Variants in PCDHA2 observed in about 807,000 individuals in gnomAD.
PCDHA2 encodes protocadherin alpha 2.
Under a neutral mutation model 66.0 loss-of-function variants are expected in PCDHA2, and 58 were observed. That is an observed-to-expected ratio of 0.88 (90% CI 0.71 to 1.09). The LOEUF is 1.09. PCDHA2 is among the 50% of genes least tolerant of loss of function. The pLI, the probability that PCDHA2 is intolerant of heterozygous loss-of-function variation, is 0.00. For missense variants in PCDHA2, 1,267 were observed against 1,242.3 expected, an observed-to-expected ratio of 1.02 and a Z score of -0.30; for synonymous variants, 634 against 554.0, an observed-to-expected ratio of 1.14 and a Z score of -2.03.
At chr5:140,999,795 T>C (rs1222111677) in intron 3 of PCDHA2, among the ~76,000 whole-genome samples, 3 of 152,224 alleles carry the variant, frequency 2.0e-5, no homozygotes, top group Non-Finnish European at 4.4e-5. Context: ...GGCAGAGTTA[T>C]TTTGGGCACA....
chr5:140,950,100 A>G (rs964595718), intron 1 of PCDHA2, among the ~76,000 whole-genome samples: 1 of 151,910 alleles, frequency 6.6e-6, no homozygotes, highest in Non-Finnish European at 1.5e-5. Flanking sequence ...CATTTGTATT[A>G]AATCTCATAC....
intron 1 of PCDHA2, among the ~76,000 whole-genome samples, chr5:140,878,446 T>C (rs2057593210): frequency 6.6e-6 from 1 of 152,210 alleles, no homozygotes; most frequent in Admixed American, 6.5e-5. Flanking sequence ...CTATTCTTAT[T>C]TACATGAAAT....
At chr5:140,826,837 T>C (rs1581838088) in intron 1 of PCDHA2, among the ~76,000 whole-genome samples, 1 of 152,182 alleles carries the variant, frequency 6.6e-6, no homozygotes, top group East Asian at 1.9e-4. Context: ...TAGAAGTTTC[T>C]CAAGTGTCTT....
At chr5:140,998,347 T>C (rs2097807005) in intron 3 of PCDHA2, among the ~76,000 whole-genome samples, 1 of 152,202 alleles carries the variant, frequency 6.6e-6, no homozygotes, top group Non-Finnish European at 1.5e-5. Context: ...TCTGAGTCTG[T>C]GCTCTTAACC....
chr5:140,807,053 T>A, intron 1 of PCDHA2: 1 of 1,057,398 alleles, frequency 9.5e-7, no homozygotes, highest in Non-Finnish European at 1.4e-6. Context: ...CCTTCTATTC[T>A]TACTGGAAGG....
intron 1 of PCDHA2, chr5:140,802,958 G>A (rs1213340646): frequency 2.5e-6 from 4 of 1,613,836 alleles, no homozygotes; most frequent in Non-Finnish European, 3.4e-6. Flanking sequence ...CAGTGGGTGC[G>A]GGCCACGTGG....
Position 140,954,691 on chromosome 5 carries a change from A to G in PCDHA2, c.2389-24258A>G, listed in dbSNP as rs561318179. Among the ~76,000 whole-genome samples the G allele has an allele frequency of 9.2e-5, 14 of 152,162 alleles. No homozygotes were observed. The East Asian group carries it at 2.5e-3, about 27-fold the overall frequency. ...TATTAGACTTTTGTCAGATGGATAG[A>G]CTACAAAATTTTTCTCCCATTCTGT... On this transcript the variant is annotated intron_variant, in intron 1 of 3. Coordinates refer to ENST00000526136, the MANE Select transcript of PCDHA2 (RefSeq NM_018905.3).
At chr5:140,801,482 G>C (rs1554121504) in intron 1 of PCDHA2, 1 of 1,614,142 alleles carries the variant, frequency 6.2e-7, no homozygotes, top group Non-Finnish European at 8.5e-7. Flanking sequence ...GCGAGGAACT[G>C]TGCGGGCGGA....
intron 1 of PCDHA2, chr5:140,883,837 G>A (rs1554180178): frequency 6.2e-7 from 1 of 1,612,730 alleles, no homozygotes; most frequent in East Asian, 2.2e-5. Context: ...TGCAGCCGTT[G>A]GACCACGAGG....
At chr5:140,895,892 A>G (rs1554186717) in intron 1 of PCDHA2, among the ~76,000 whole-genome samples, 1 of 152,080 alleles carries the variant, frequency 6.6e-6, no homozygotes, top group East Asian at 1.9e-4. Flanking sequence ...GCTCACTGCA[A>G]CCTCCGCGTC....
intron 1 of PCDHA2, among the ~76,000 whole-genome samples, chr5:140,920,557 G>A (rs1554199669): frequency 6.6e-6 from 1 of 152,158 alleles, no homozygotes; most frequent in African/African-American, 2.4e-5. Flanking sequence ...TCGAAGTGTG[G>A]CCCTTAGGCC....
chr5:140,833,154 TA>T (rs1772333150), intron 1 of PCDHA2, among the ~76,000 whole-genome samples: 1 of 152,084 alleles, frequency 6.6e-6, no homozygotes, highest in Admixed American at 6.6e-5. Context: ...GCAATACGAA[TA>T]AAAAGTATTA....
At chr5:140,942,539 TG>T (rs1370746759) in intron 1 of PCDHA2, among the ~76,000 whole-genome samples, 2 of 151,338 alleles carry the variant, frequency 1.3e-5, no homozygotes, top group Admixed American at 6.6e-5. Flanking sequence ...CTCAGTATGG[TG>T]GGGGGTAGGG....
chr5:140,851,181 A>G, intron 1 of PCDHA2: 2 of 1,246,750 alleles, frequency 1.6e-6, no homozygotes, highest in Middle Eastern at 6.4e-4. Flanking sequence ...ACACTTGAAA[A>G]CCAATTTAGT....
At chr5:140,920,841 T>TAAAAA (rs781921146) in intron 1 of PCDHA2, among the ~76,000 whole-genome samples, 2 of 109,230 alleles carry the variant, frequency 1.8e-5, no homozygotes, top group Non-Finnish European at 1.9e-5. Flanking sequence ...AGACCAAATC[T>TAAAAA]AAAAAAAAAA....
rs2150467909 is a variant in PCDHA2, at chr5:140,850,110, G to A, written c.2388+52758G>A. The A allele has an allele frequency of 3.1e-6, 5 of 1,596,146 alleles. No individual in the cohort carries two copies. The East Asian group carries it at 8.9e-5, about 28-fold the overall frequency. Reference sequence around the variant, plus strand: ...GCTACAGTTCCAGGTGAGCGCGCGCGACGCGGGCGTGCCGCCTCTGGGCAG... The same window carrying A: ...GCTACAGTTCCAGGTGAGCGCGCGCAACGCGGGCGTGCCGCCTCTGGGCAG... On this transcript the variant is annotated intron_variant, in intron 1 of 3. Coordinates refer to ENST00000526136, the MANE Select transcript of PCDHA2 (RefSeq NM_018905.3).
At chr5:141,009,459 A>T in intron 3 of PCDHA2, 168 bp from the exon 4 acceptor site, 3 of 950,878 alleles carry the variant, frequency 3.2e-6, no homozygotes, top group Non-Finnish European at 3.8e-6. Context: ...AATTAAACAA[A>T]TAAATAAATA....
chr5:140,927,362 G>A, intron 1 of PCDHA2: 1 of 1,614,030 alleles, frequency 6.2e-7, no homozygotes, highest in Non-Finnish European at 8.5e-7. Context: ...GGAAGCAATG[G>A]GATACTAAGC....
Position 140,946,375 on chromosome 5 carries a change from G to A in PCDHA2, c.2389-32574G>A, listed in dbSNP as rs531638250. Among the ~76,000 whole-genome samples, 14 of 151,710 alleles carry A rather than the reference G, an allele frequency of 9.2e-5. No homozygotes were observed. In the South Asian group the frequency reaches 2.9e-3, roughly 32 times the overall value. On this transcript the variant is annotated intron_variant, in intron 1 of 3. Transcript: ENST00000526136. ...TGGAGAAAAGGGAACTCTTGCACACGGTTGGTAGGAATGTAAATTAGTACA... is the reference window on the plus strand; with the variant it reads ...TGGAGAAAAGGGAACTCTTGCACACAGTTGGTAGGAATGTAAATTAGTACA...
Sources: gnomAD v4.1 joint callset for allele counts (sites outside exome capture counted in the v4.1 genomes callset) on GRCh38, gnomAD v4.1.1 for gene constraint, MANE v1.5 for transcripts, NCBI Gene and HGNC (gene_info 2026-07-23, HGNC 2026-07-21) for gene names.